CSNK1G1: variants seen among roughly 807,000 people sequenced by gnomAD.
CSNK1G1 encodes the protein casein kinase 1 gamma 1.
CSNK1G1 carries 22 observed loss-of-function variants against 59.6 expected under a neutral mutation model. The observed-to-expected ratio is 0.37, with a 90% CI of 0.26 to 0.53. The LOEUF (loss-of-function observed/expected upper bound fraction) is 0.53, where lower values mean the gene tolerates loss of function less well. Ranked by LOEUF, CSNK1G1 falls within the 20% of genes least tolerant of loss-of-function variation. The pLI is 0.89. For missense variants in CSNK1G1, 384 were observed against 519.5 expected (o/e 0.74, Z 2.54); for synonymous variants, 179 against 177.1 (o/e 1.01, Z -0.08).
chr15:64,296,201 G>C lies in CSNK1G1; in HGVS notation c.181+4118C>G, dbSNP rs532878832. Among the ~76,000 whole-genome samples, 5 of 152,236 alleles carry C rather than the reference G, an allele frequency of 3.3e-5. No homozygotes were observed. The South Asian group carries it at 1.0e-3, about 32-fold the overall frequency. ...AGTGATGTGATCTTGGCTCATGGTA[G>C]CATCAGGCTCCCAGGCTCAAGCCAT... is the stretch of plus-strand genomic sequence containing the variant. On this transcript the variant is annotated intron_variant, in intron 2 of 11. Transcript: ENST00000303052.
chr15:64,181,116 G>C, intron 10 of CSNK1G1: 2 of 1,429,034 alleles, frequency 1.4e-6, no homozygotes, highest in African/African-American at 1.4e-5. Context: ...CAAATAACAA[G>C]ATTGTCACAT....
chr15:64,272,102 T>C (rs1893340984), intron 2 of CSNK1G1, among the ~76,000 whole-genome samples: 1 of 152,196 alleles, frequency 6.6e-6, no homozygotes, highest in East Asian at 1.9e-4. Context: ...ATTTGCTTGG[T>C]AGATTTTCCT....
intron 2 of CSNK1G1, among the ~76,000 whole-genome samples, chr15:64,264,673 A>G (rs1425615900): frequency 6.6e-6 from 1 of 152,238 alleles, no homozygotes; most frequent in Non-Finnish European, 1.5e-5. Flanking sequence ...ATGATTCACC[A>G]TGATCACATG....
At chr15:64,201,365 C>T (rs1468826114) in intron 10 of CSNK1G1, among the ~76,000 whole-genome samples, 1 of 151,674 alleles carries the variant, frequency 6.6e-6, no homozygotes, top group African/African-American at 2.4e-5. Context: ...AGCAATATGT[C>T]AGTTTAACTG....
At chr15:64,299,685 C>T (rs1291136337) in intron 2 of CSNK1G1, among the ~76,000 whole-genome samples, 1 of 151,962 alleles carries the variant, frequency 6.6e-6, no homozygotes, top group Non-Finnish European at 1.5e-5. Context: ...TCATTATTTT[C>T]CATCTCACCC....
At chr15:64,302,824 TCA>T (rs1895434550) in intron 1 of CSNK1G1, among the ~76,000 whole-genome samples, 1 of 152,208 alleles carries the variant, frequency 6.6e-6, no homozygotes, top group Non-Finnish European at 1.5e-5. Context: ...TCAAAAATTA[TCA>T]CTACAATAGC....
At chr15:64,301,797 G>A (rs1036101328) in intron 1 of CSNK1G1, among the ~76,000 whole-genome samples, 2 of 152,044 alleles carry the variant, frequency 1.3e-5, no homozygotes, top group Non-Finnish European at 2.9e-5. Flanking sequence ...TGAGGCAGGA[G>A]AATAGCTTGA....
At chr15:64,315,323 C>T (rs1896211568) in intron 1 of CSNK1G1, among the ~76,000 whole-genome samples, 1 of 152,138 alleles carries the variant, frequency 6.6e-6, no homozygotes. Context: ...AGACCAGCAA[C>T]GCCGGGGATT....
rs904334868 is a variant in CSNK1G1 at position 64,214,977 on chromosome 15, A to G, written c.445-853T>C. The stretch of plus-strand genomic sequence containing the variant: ...GTTGTTGTTTTAAATTTATTTTCAG[A>G]TTATTTTTGTAGAGATGGGGTCTAT... On this transcript the variant is annotated intron_variant, in intron 5 of 11. Coordinates refer to ENST00000303052, the MANE Select transcript of CSNK1G1 (RefSeq NM_022048.5). This position sits in a 1 kb window ranked among gnomAD's most constrained non-coding sequence, Gnocchi z 4.3. 6.6e-6 allele frequency among the ~76,000 whole-genome samples: 1 copy of G among 150,736 alleles called. No individual in the cohort carries two copies. Among genetic ancestry groups the G allele is most frequent in the Admixed American group, 6.6e-5 (1 of 15,106 alleles).
chr15:64,242,404 G>C (rs1045151587), intron 4 of CSNK1G1, among the ~76,000 whole-genome samples: 3 of 151,828 alleles, frequency 2.0e-5, no homozygotes, highest in Non-Finnish European at 2.9e-5. Context: ...ACTTTCCCCC[G>C]ACTCCCAGTC....
Position 64,188,967 on chromosome 15 carries a change from A to G in CSNK1G1, c.1108-8513T>C, listed in dbSNP as rs1379040749. 1.3e-5 allele frequency among the ~76,000 whole-genome samples: 2 copies of G among 152,144 alleles called. No homozygotes were observed. Among genetic ancestry groups the G allele is most frequent in the East Asian group, 3.9e-4 (2 of 5,192 alleles). ...ATGGTGAAAGCCTGTCTCTACTAAA[A>G]TTACAAAAATGAGCTGGGCATGGTG... is the stretch of plus-strand genomic sequence containing the variant. On this transcript the variant is annotated intron_variant, in intron 10 of 11. Transcript: ENST00000303052. The surrounding 1 kb of genome is among the most constrained non-coding windows in gnomAD (Gnocchi z 4.2).
At position 64,188,573 on chromosome 15, in the gene CSNK1G1, T is replaced by C; in HGVS notation, c.1108-8119A>G. ...AATAACAAAATCAAGTACATTCGTG[T>C]CCCTGTAGGTTTTTCTTTCGGTTTT... On this transcript the variant is annotated intron_variant, in intron 10 of 11. Transcript: ENST00000303052. The surrounding 1 kb of genome is among the most constrained non-coding windows in gnomAD (Gnocchi z 4.2). 1.1e-6 allele frequency: 1 copy of C among 945,506 alleles called. No individual in the cohort carries two copies. The highest frequency in any genetic ancestry group is 1.6e-6 in the Non-Finnish European group (1 of 630,502). The allele number at this position is 945,506 out of a possible 1,614,324, so 58.6% of individuals were successfully genotyped here.
intron 6 of CSNK1G1, among the ~76,000 whole-genome samples, chr15:64,213,042 A>G (rs1419147220): frequency 6.6e-6 from 1 of 152,160 alleles, no homozygotes; most frequent in Non-Finnish European, 1.5e-5. Context: ...CTTAGTGTGC[A>G]ATAGTTCACT....
intron 2 of CSNK1G1, among the ~76,000 whole-genome samples, chr15:64,275,167 G>C (rs188134921): frequency 6.6e-6 from 1 of 151,992 alleles, no homozygotes; most frequent in African/African-American, 2.4e-5. Flanking sequence ...TCTGCCTCCC[G>C]AGTAACTGGG....
At chr15:64,268,118 T>G (rs899270982) in intron 2 of CSNK1G1, among the ~76,000 whole-genome samples, 2 of 151,922 alleles carry the variant, frequency 1.3e-5, no homozygotes, top group Non-Finnish European at 2.9e-5. Flanking sequence ...GAAAAGAAAA[T>G]GTACATATAT....
At chr15:64,285,273 T>C (rs994578835) in intron 2 of CSNK1G1, among the ~76,000 whole-genome samples, 1 of 152,064 alleles carries the variant, frequency 6.6e-6, no homozygotes, top group Admixed American at 6.6e-5. Flanking sequence ...AAAAGCCGAA[T>C]CCCAAAGTAT....
intron 1 of CSNK1G1, among the ~76,000 whole-genome samples, chr15:64,342,188 G>T (rs975774621): frequency 2.0e-5 from 3 of 152,166 alleles, no homozygotes; most frequent in Non-Finnish European, 4.4e-5. Context: ...AGAGGCTTTA[G>T]AGGCAGAGAT....
chr15:64,259,486 A>ACACACC (rs1411334928), intron 2 of CSNK1G1, among the ~76,000 whole-genome samples: 1 of 83,244 alleles, frequency 1.2e-5, no homozygotes, highest in African/African-American at 6.6e-5. Context: ...TCTCTCTTAC[A>ACACACC]CACACACACA....
intron 6 of CSNK1G1, among the ~76,000 whole-genome samples, chr15:64,213,261 G>A (rs2082271384): frequency 6.6e-6 from 1 of 152,052 alleles, no homozygotes; most frequent in Admixed American, 6.5e-5. Context: ...CTAGGGCTCT[G>A]CCTGCTTGGT....
Sources: gnomAD v4.1 joint callset for allele counts (sites outside exome capture counted in the v4.1 genomes callset) on GRCh38, gnomAD v4.1.1 for gene constraint, Gnocchi (gnomAD v3.1) non-coding constraint, MANE v1.5 for transcripts, NCBI Gene and HGNC (gene_info 2026-07-23, HGNC 2026-07-21) for gene names.